Variants in MOK observed in about 807,000 individuals in gnomAD.
The protein encoded by MOK is MOK protein kinase, also known as MAPK/MAK/MRK overlapping kinase.
A neutral mutation model predicts 54.2 loss-of-function variants in MOK; 59 were observed. The observed-to-expected ratio is 1.09, with a 90% CI of 0.88 to 1.35. The LOEUF is 1.35. MOK is among the 40% of genes most tolerant of loss of function. The pLI is 0.00. For missense variants in MOK, 517 were observed against 526.2 expected, an observed-to-expected ratio of 0.98 and a Z score of 0.17; for synonymous variants, 210 against 202.7, an observed-to-expected ratio of 1.04 and a Z score of -0.31.
chr14:102,276,094 C>G (rs1160423910), intron 2 of MOK, among the ~76,000 whole-genome samples: 2 of 152,150 alleles, frequency 1.3e-5, no homozygotes, highest in African/African-American at 4.8e-5. Context: ...TAATTCCACA[C>G]AATCATCAGA....
rs527552939 is a variant in MOK at position 102,242,095 on chromosome 14, G to A, written c.591-8306C>T. On this transcript the variant is annotated intron_variant, in intron 7 of 11. Coordinates refer to ENST00000361847, the MANE Select transcript of MOK (RefSeq NM_014226.3). The stretch of plus-strand genomic sequence containing the variant: ...CTTCCCAGATCTTCTTGGCTTTAGC[G>A]GCTGAAGACTAATGCTACCTGATTG... 2.1e-4 allele frequency among the ~76,000 whole-genome samples: 32 copies of A among 152,292 alleles called. No homozygotes were observed. The South Asian group carries it at 5.0e-3, about 24-fold the overall frequency.
chr14:102,283,623 T>A (rs1267910831), intron 1 of MOK, 31 bp from the exon 2 acceptor site: 1 of 1,402,996 alleles, frequency 7.1e-7, no homozygotes, highest in Non-Finnish European at 1.0e-6. Context: ...AAAAATAAAA[T>A]GTTATTTATG....
intron 1 of MOK, among the ~76,000 whole-genome samples, chr14:102,290,018 C>T (rs1174623420): frequency 6.6e-6 from 1 of 152,052 alleles, no homozygotes; most frequent in East Asian, 1.9e-4. Context: ...TTTCTCAAAA[C>T]AGGTCTCCAC....
chr14:102,279,895 G>A (rs1352391841), intron 2 of MOK, among the ~76,000 whole-genome samples: 1 of 151,832 alleles, frequency 6.6e-6, no homozygotes, highest in African/African-American at 2.4e-5. Context: ...TTGAATTAAA[G>A]CATAGGAAAG....
intron 1 of MOK, among the ~76,000 whole-genome samples, chr14:102,292,564 A>G (rs1407031413): frequency 6.6e-6 from 1 of 152,134 alleles, no homozygotes; most frequent in Non-Finnish European, 1.5e-5. Flanking sequence ...CTGGATTCCA[A>G]TCTTCCAGGA....
downstream of MOK, chr14:102,224,383 A>G (rs1162678141): frequency 2.8e-6 from 1 of 355,486 alleles, no homozygotes; most frequent in Non-Finnish European, 5.5e-6. Flanking sequence ...GCTCGTGAGC[A>G]TCTGAGTTTA....
rs987201457 is a variant in MOK at position 102,249,488 on chromosome 14, T to C, written c.590+1324A>G. ...ACTTTGGGAGGCTGAGGCAGGCGGA[T>C]TACCTGAAGTCAGGAGTTCAAGACC... On this transcript the variant is annotated intron_variant, in intron 7 of 11. Coordinates refer to ENST00000361847, the MANE Select transcript of MOK (RefSeq NM_014226.3). This position sits in a 1 kb window ranked among gnomAD's most constrained non-coding sequence, Gnocchi z 5.3. Among the ~76,000 whole-genome samples, 5 of 152,190 alleles carry C rather than the reference T, an allele frequency of 3.3e-5. No individual in the cohort carries two copies. Among genetic ancestry groups the C allele is most frequent in the Admixed American group, 1.3e-4 (2 of 15,286 alleles).
intron 1 of MOK, among the ~76,000 whole-genome samples, chr14:102,297,323 A>G (rs1597632114): frequency 6.6e-6 from 1 of 152,234 alleles, no homozygotes. Context: ...ACGTCACTGC[A>G]CTCCAGCCTG....
Position 102,235,591 on chromosome 14 carries a change from A to G in MOK, c.591-1802T>C, listed in dbSNP as rs2065150905. The G allele has an allele frequency of 6.6e-6, 1 of 152,214 alleles. No individual in the cohort carries two copies. Among genetic ancestry groups the G allele is most frequent in the Admixed American group, 6.5e-5 (1 of 15,282 alleles). 9.4% of individuals were successfully genotyped at this position (152,214 alleles called of 1,614,324 possible). ...GATTACTTGCCTCACTGCAGGCCTT[A>G]ACAAAACTGCCCATAAGGCTGTAAA... On this transcript the variant is annotated intron_variant, in intron 7 of 11. Transcript: ENST00000361847. The surrounding 1 kb of genome is among the most constrained non-coding windows in gnomAD (Gnocchi z 4.4).
downstream of MOK, chr14:102,222,760 G>A (rs1385818258): frequency 2.7e-5 from 42 of 1,573,038 alleles, no homozygotes; most frequent in Non-Finnish European, 3.4e-5. This position sits in a 1 kb window ranked among gnomAD's most constrained non-coding sequence, Gnocchi z 4.4. Flanking sequence ...AGCTGCTGGC[G>A]GAGGGCGCGC....
At chr14:102,284,850 G>A (rs1237038180) in intron 1 of MOK, among the ~76,000 whole-genome samples, 3 of 152,184 alleles carry the variant, frequency 2.0e-5, no homozygotes, top group Non-Finnish European at 4.4e-5. Flanking sequence ...GGCCGAGGCA[G>A]GCAGATCACC....
chr14:102,229,692 C>T (rs1413532408), intron 10 of MOK, 35 bp from the exon 11 acceptor site: 2 of 1,539,382 alleles, frequency 1.3e-6, no homozygotes, highest in Non-Finnish European at 1.8e-6. Flanking sequence ...GGACATAAAA[C>T]GCTTTCTGCT....
At chr14:102,222,094 GC>G (rs1328165285), downstream of MOK, among the ~76,000 whole-genome samples, 1 of 106,230 alleles carries the variant, frequency 9.4e-6, no homozygotes, top group Admixed American at 1.0e-4. This position sits in a 1 kb window ranked among gnomAD's most constrained non-coding sequence, Gnocchi z 4.4. Flanking sequence ...CCCCGCCCCC[GC>G]CCCCGACAGT....
intron 1 of MOK, among the ~76,000 whole-genome samples, chr14:102,303,245 G>A (rs2072441067): frequency 6.8e-6 from 1 of 147,728 alleles, no homozygotes; most frequent in Non-Finnish European, 1.5e-5. Context: ...GCAACGAACT[G>A]ACATCAGGCA....
intron 7 of MOK, among the ~76,000 whole-genome samples, chr14:102,241,717 C>A (rs954647910): frequency 6.6e-6 from 1 of 152,188 alleles, no homozygotes; most frequent in Admixed American, 6.5e-5. Context: ...ACTTAATTAA[C>A]CTCACCTTCA....
chr14:102,273,930 C>T (rs1390166740), intron 2 of MOK, among the ~76,000 whole-genome samples: 2 of 151,924 alleles, frequency 1.3e-5, no homozygotes, highest in Non-Finnish European at 2.9e-5. Context: ...CAATACAATC[C>T]TATTCATAAT....
At position 102,230,497 on chromosome 14, in the gene MOK, G is replaced by A. The variant is rs1465912236; in HGVS notation, c.982-840C>T. On this transcript the variant is annotated intron_variant, in intron 10 of 11. Coordinates refer to ENST00000361847, the MANE Select transcript of MOK (RefSeq NM_014226.3). This position sits in a 1 kb window ranked among gnomAD's most constrained non-coding sequence, Gnocchi z 4.1. ...TCCTTTCACACTGCAGCAAAGCAGG[G>A]AGTGTAACGAACACCCCACGGCCAC... 1.3e-5 allele frequency: 2 copies of A among 152,284 alleles called. No individual in the cohort carries two copies. Among genetic ancestry groups the A allele is most frequent in the Non-Finnish European group, 2.9e-5 (2 of 68,082 alleles). The allele number at this position is 152,284 out of a possible 1,614,324, so 9.4% of individuals were successfully genotyped here.
In MOK at chr14:102,231,986, C is replaced by T. The variant is rs1038478749; in HGVS notation, c.867-165G>A. On this transcript the variant is annotated intron_variant, in intron 9 of 11. Transcript: ENST00000361847. This position sits in a 1 kb window ranked among gnomAD's most constrained non-coding sequence, Gnocchi z 4.4. The stretch of plus-strand genomic sequence containing the variant: ...CCTTTTTTTTTCTTTTCTGTCTCAG[C>T]CTGACAGTCTCTGGGCCAGGAACAG... 2 of 557,534 alleles carry T rather than the reference C, an allele frequency of 3.6e-6. No homozygotes were observed. The highest frequency in any genetic ancestry group is 3.8e-5 in the African/African-American group (2 of 52,590). 34.5% of individuals were successfully genotyped at this position (557,534 alleles called of 1,614,324 possible). A position where few individuals can be genotyped will look rare whatever the true frequency, so the allele number is the denominator to read the frequency against.
chr14:102,231,297 G>A lies in MOK; in HGVS notation c.981+410C>T, dbSNP rs533075544. 3.1e-5 allele frequency: 5 copies of A among 159,100 alleles called. No homozygotes were observed. In the East Asian group the frequency reaches 9.1e-4, roughly 29 times the overall value. The allele number at this position is 159,100 out of a possible 1,614,324, so 9.9% of individuals were successfully genotyped here. A position where few individuals can be genotyped will look rare whatever the true frequency, so the allele number is the denominator to read the frequency against. ...AGACAGTGACTTGAGACCTGTCACT[G>A]GCTGGGTGGGTGACTTGGGCCAGCA... On this transcript the variant is annotated intron_variant, in intron 10 of 11. Coordinates refer to ENST00000361847, the MANE Select transcript of MOK (RefSeq NM_014226.3). This position sits in a 1 kb window ranked among gnomAD's most constrained non-coding sequence, Gnocchi z 4.4.
Sources: gnomAD v4.1 joint callset for allele counts (sites outside exome capture counted in the v4.1 genomes callset) on GRCh38, gnomAD v4.1.1 for gene constraint, Gnocchi (gnomAD v3.1) non-coding constraint, MANE v1.5 for transcripts, NCBI Gene and HGNC (gene_info 2026-07-23, HGNC 2026-07-21) for gene names.